Variants in UBR2 observed in about 807,000 individuals in gnomAD.
The protein encoded by UBR2 is ubiquitin protein ligase E3 component n-recognin 2.
In UBR2, 92 loss-of-function variants were observed where a neutral mutation model predicts 247.9. The observed-to-expected ratio is 0.37, with a 90% CI of 0.31 to 0.44. The LOEUF (loss-of-function observed/expected upper bound fraction) is 0.44. Ranked by LOEUF, UBR2 falls within the 20% of genes least tolerant of loss-of-function variation. UBR2 has a pLI of 1.00. For missense variants in UBR2, 1,613 were observed against 2,112.6 expected (o/e 0.76, Z 4.64); for synonymous variants, 672 against 693.5 (o/e 0.97, Z 0.49).
chr6:42,682,443 T>A, intron 42 of UBR2, among the ~76,000 whole-genome samples: 1 of 148,230 alleles, frequency 6.7e-6, no homozygotes, highest in Non-Finnish European at 1.5e-5. Flanking sequence ...AAAAAAAAAT[T>A]TTTTTTTTTT....
At chr6:42,595,590 CA>C (rs1792917338) in intron 4 of UBR2, among the ~76,000 whole-genome samples, 1 of 151,822 alleles carries the variant, frequency 6.6e-6, no homozygotes, top group South Asian at 2.1e-4. Context: ...ACAAAAAATA[CA>C]AAAATTAGTT....
At chr6:42,646,814 T>G (rs533387088) in intron 21 of UBR2, among the ~76,000 whole-genome samples, 13,127 of 146,688 alleles carry the variant, frequency 0.089, 688 homozygotes, top group African/African-American at 0.15. Context: ...TGTTTATATA[T>G]ATATATAGAG....
At position 42,659,643 on chromosome 6, in the gene UBR2, C is replaced by CTTTGTA; in HGVS notation, c.3243-10_3243-5dup. 6.2e-7 allele frequency: 1 copy of CTTTGTA among 1,609,382 alleles called. No homozygotes were observed. Among genetic ancestry groups the CTTTGTA allele is most frequent in the African/African-American group, 1.3e-5 (1 of 74,626 alleles). ...TGGGATCATTAATTATATTCATAAC[C>CTTTGTA]TTTGTATTGCAGCCCTGTGGCTTCA... On this transcript the variant is annotated splice_polypyrimidine_tract_variant and intron_variant, in intron 29 of 46. Coordinates refer to ENST00000372901, the MANE Select transcript of UBR2 (RefSeq NM_001363705.2). This position sits in a 1 kb window ranked among gnomAD's most constrained non-coding sequence, Gnocchi z 4.3.
In UBR2 at chr6:42,632,652, A is replaced by T. The variant is rs753666783; in HGVS notation, c.1382A>T (p.Glu461Val). 1 of 1,613,732 alleles carries T rather than the reference A, an allele frequency of 6.2e-7. No homozygotes were observed. The highest frequency in any genetic ancestry group is 8.5e-7 in the Non-Finnish European group (1 of 1,179,838). The part of the protein sequence containing the change: ...HRDAQGRFQF[E>V]RYTALQAFKF... ...GATGCCCAGGGCAGATTTCAGTTTG[A>T]ACGATACACTGCTTTACAAGCCTTC... Residue 461 changes from glutamate to valine, a missense_variant, in exon 12 of 47, where the codon GAA becomes GTA. This residue lies in a region of UBR2 where 1,524 missense variants were observed against 1,967.3 expected (regional missense o/e 0.77). Coordinates refer to ENST00000372901, the MANE Select transcript of UBR2 (RefSeq NM_001363705.2).
intron 1 of UBR2, among the ~76,000 whole-genome samples, chr6:42,570,073 G>A: frequency 6.6e-6 from 1 of 152,126 alleles, no homozygotes; most frequent in Middle Eastern, 3.4e-3. Flanking sequence ...AATATGAAAA[G>A]CTATAGATTT....
chr6:42,594,319 A>G lies in UBR2; in HGVS notation c.531+15A>G, dbSNP rs765828266. 6 of 1,589,098 alleles carry G rather than the reference A, an allele frequency of 3.8e-6. No homozygotes were observed. Among genetic ancestry groups the G allele is most frequent in the African/African-American group, 2.7e-5 (2 of 74,054 alleles). The stretch of plus-strand genomic sequence containing the variant: ...AGGAAGAAGAGGTAAAAACATTTTC[A>G]CAAAGTTGTTTTTAACCCAAGTTTG... On this transcript the variant is annotated intron_variant, in intron 4 of 46. Transcript: ENST00000372901.
rs145361087 is a variant in UBR2, at chr6:42,571,309, T to C, written c.79-2425T>C. On this transcript the variant is annotated intron_variant, in intron 1 of 46. Coordinates refer to ENST00000372901, the MANE Select transcript of UBR2 (RefSeq NM_001363705.2). ...ACCTTTCATTCTTGTATTAAAATTT[T>C]GCAACAGTGAAGTTTTACAGGAATG... Among the ~76,000 whole-genome samples, 71 of 151,450 alleles carry C rather than the reference T, an allele frequency of 4.7e-4. 1 individual carries two copies. The East Asian group carries it at 0.013, about 27-fold the overall frequency.
chr6:42,603,510 G>T, intron 4 of UBR2, 78 bp from the exon 5 acceptor site: 1 of 1,352,664 alleles, frequency 7.4e-7, no homozygotes, highest in Non-Finnish European at 9.6e-7. Flanking sequence ...ACTATTTTGA[G>T]GGATGGAAGC....
At chr6:42,679,092 G>A (rs1176406576) in intron 41 of UBR2, among the ~76,000 whole-genome samples, 1 of 152,102 alleles carries the variant, frequency 6.6e-6, no homozygotes, top group Non-Finnish European at 1.5e-5. Flanking sequence ...TTTTAATCTG[G>A]GAATTGATTT....
In UBR2 at chr6:42,635,514, A is replaced by C. The variant is rs1225311569; in HGVS notation, c.1642A>C (p.Ile548Leu). 1 of 1,613,528 alleles carries C rather than the reference A, an allele frequency of 6.2e-7. No individual in the cohort carries two copies. ...ACTACAAATGAAATTAACACATGTC[A>C]TTTCAATGATGCAGGACTGGTGTGC... ...FTLQMKLTHVISMMQDWCASD... is the reference protein window; with the variant it reads ...FTLQMKLTHVLSMMQDWCASD... The change falls in exon 14 of 47, where the codon ATT becomes CTT. Residue 548 changes from isoleucine to leucine, a missense_variant. Ile to Leu is a conservative substitution (Grantham distance 5). Around this residue, in one of 3 missense-constraint regions of UBR2, gnomAD observed 1,524 missense variants for 1,967.3 expected, o/e 0.77. Coordinates refer to ENST00000372901, the MANE Select transcript of UBR2 (RefSeq NM_001363705.2).
chr6:42,584,295 T>C (rs1792108576), intron 2 of UBR2, among the ~76,000 whole-genome samples: 1 of 152,114 alleles, frequency 6.6e-6, no homozygotes, highest in Non-Finnish European at 1.5e-5. Flanking sequence ...CTGCACCTGG[T>C]TGAGTTGCTT....
chr6:42,683,016 A>T, intron 42 of UBR2, 39 bp from the exon 43 acceptor site: 1 of 1,523,448 alleles, frequency 6.6e-7, no homozygotes, highest in South Asian at 1.2e-5. Context: ...TAACCCTTTA[A>T]AAGTGTTTTG....
intron 38 of UBR2, among the ~76,000 whole-genome samples, chr6:42,675,009 C>G (rs913038743): frequency 1.3e-5 from 2 of 152,186 alleles, no homozygotes; most frequent in African/African-American, 4.8e-5. Context: ...ACAGAGTGTA[C>G]TGCCACACCC....
chr6:42,632,700 T>G lies in UBR2; in HGVS notation c.1430T>G (p.Leu477Arg). The G allele has an allele frequency of 6.3e-7, 1 of 1,594,744 alleles. No individual in the cohort carries two copies. Among genetic ancestry groups the G allele is most frequent in the Non-Finnish European group, 8.5e-7 (1 of 1,173,624 alleles). Residue 477 changes from leucine to arginine, a missense_variant, in exon 12 of 47, where the codon CTT becomes CGT. Physicochemically the swap from Leu to Arg is moderately radical, Grantham distance 102. Around this residue, in one of 3 missense-constraint regions of UBR2, gnomAD observed 1,524 missense variants for 1,967.3 expected, o/e 0.77. Coordinates refer to ENST00000372901, the MANE Select transcript of UBR2 (RefSeq NM_001363705.2). ...QAFKFRRVQSLILDLKYVLIS... is the reference protein window; with the variant it reads ...QAFKFRRVQSRILDLKYVLIS... ...TTCAAATTTAGGAGAGTACAGAGCC[T>G]TATTTTAGATCTCAAGTAAGTTTTC...
Position 42,644,590 on chromosome 6 carries a change from C to T in UBR2, c.2284+54C>T, listed in dbSNP as rs536913837. The T allele has an allele frequency of 1.6e-5, 24 of 1,474,378 alleles. No individual in the cohort carries two copies. The African/African-American group carries it at 3.2e-4, about 20-fold the overall frequency. The allele number at this position is 1,474,378 out of a possible 1,614,324, so 91.3% of individuals were successfully genotyped here. A position where few individuals can be genotyped will look rare whatever the true frequency, so the allele number is the denominator to read the frequency against. ...TAAATTACACTGACGTTTATAGTAG[C>T]AAATAGTTTGGAATTTCTGGCCTGT... On this transcript the variant is annotated intron_variant, in intron 20 of 46. Transcript: ENST00000372901.
At chr6:42,612,048 C>T in intron 7 of UBR2, 123 bp from the exon 8 acceptor site, 1 of 811,872 alleles carries the variant, frequency 1.2e-6, no homozygotes, top group South Asian at 4.2e-5. Context: ...GTTTTTCTTA[C>T]ATCCATGAAA....
Position 42,659,624 on chromosome 6 carries a change from C to T in UBR2, c.3243-32C>T, listed in dbSNP as rs773648900. The T allele has an allele frequency of 1.3e-6, 2 of 1,593,302 alleles. No homozygotes were observed. The highest frequency in any genetic ancestry group is 2.2e-5 in the South Asian group (2 of 89,230). ...GTGATTATATAGAAAGTTTTGGGAT[C>T]ATTAATTATATTCATAACCTTTGTA... On this transcript the variant is annotated intron_variant, in intron 29 of 46. Coordinates refer to ENST00000372901, the MANE Select transcript of UBR2 (RefSeq NM_001363705.2). This position sits in a 1 kb window ranked among gnomAD's most constrained non-coding sequence, Gnocchi z 4.3.
intron 8 of UBR2, among the ~76,000 whole-genome samples, chr6:42,612,833 G>A (rs1794179070): frequency 6.6e-6 from 1 of 152,192 alleles, no homozygotes; most frequent in Non-Finnish European, 1.5e-5. Context: ...AGGTGCCATG[G>A]CTCATGCCTG....
intron 4 of UBR2, among the ~76,000 whole-genome samples, chr6:42,601,551 G>T (rs962831567): frequency 1.3e-5 from 2 of 151,958 alleles, no homozygotes; most frequent in African/African-American, 2.4e-5. Context: ...AGCCAGGCAT[G>T]GTGGCACATG....
Sources: gnomAD v4.1 joint callset for allele counts (sites outside exome capture counted in the v4.1 genomes callset) on GRCh38, gnomAD v4.1.1 for gene constraint, gnomAD v4.1.1 regional missense constraint, Gnocchi (gnomAD v3.1) non-coding constraint, MANE v1.5 for transcripts, NCBI Gene and HGNC (gene_info 2026-07-23, HGNC 2026-07-21) for gene names.